PGM5: variants seen among roughly 807,000 people sequenced by gnomAD.
PGM5 encodes the protein phosphoglucomutase-like protein 5.
A neutral mutation model predicts 59.2 loss-of-function variants in PGM5; 23 were observed. The ratio of observed to expected loss-of-function variants is 0.39; its 90% CI spans 0.28 to 0.55. PGM5 has a LOEUF of 0.55. Ranked by LOEUF, PGM5 falls within the 20% of genes least tolerant of loss-of-function variation. PGM5 has a pLI of 0.66. For missense variants in PGM5, 574 were observed against 748.3 expected (o/e 0.77, Z 2.72); for synonymous variants, 214 against 286.0 (o/e 0.75, Z 2.54).
rs1236881630 is a variant in PGM5, at chr9:68,480,706, AAAAC to A, written c.1295+1157_1295+1160del. ...AGAGTGAGACTCCATCTCAAAAAAA[AAAAC>A]AAAACAAAACAAAACAAAAAAACAG... is the stretch of plus-strand genomic sequence containing the variant. On this transcript the variant is annotated intron_variant, in intron 8 of 10. Coordinates refer to ENST00000396396, the MANE Select transcript of PGM5 (RefSeq NM_021965.4). Among the ~76,000 whole-genome samples, 27 of 151,808 alleles carry A rather than the reference AAAAC, an allele frequency of 1.8e-4. 1 individual carries two copies. The highest frequency in any genetic ancestry group is 5.8e-4 in the African/African-American group (24 of 41,382).
At chr9:68,512,430 A>T (rs782239993) in intron 10 of PGM5, among the ~76,000 whole-genome samples, 6 of 152,242 alleles carry the variant, frequency 3.9e-5, no homozygotes, top group Non-Finnish European at 7.3e-5. Flanking sequence ...TTACAAAGCA[A>T]GAACTTGTTT....
intron 10 of PGM5, among the ~76,000 whole-genome samples, chr9:68,513,448 C>T (rs1020366649): frequency 2.0e-5 from 3 of 152,002 alleles, no homozygotes; most frequent in Admixed American, 6.6e-5. Context: ...AAGGGAAAAA[C>T]GTTAAGAAAT....
rs79260724 is a variant in PGM5 at position 68,506,594 on chromosome 9, T to C, written c.1614+7233T>C. ...CAATGAATAGGATTCAGAAACATTA[T>C]GAAAATAATAATGTTCTAAATACAT... On this transcript the variant is annotated intron_variant, in intron 10 of 10. Transcript: ENST00000396396. Among the ~76,000 whole-genome samples, 192 of 152,358 alleles carry C rather than the reference T, an allele frequency of 1.3e-3. 3 individuals are homozygous for C. In the East Asian group the frequency reaches 0.035, roughly 28 times the overall value.
At chr9:68,440,750 T>G (rs1823512885) in intron 6 of PGM5, among the ~76,000 whole-genome samples, 1 of 152,012 alleles carries the variant, frequency 6.6e-6, no homozygotes, top group African/African-American at 2.4e-5. Context: ...AAACTATGCT[T>G]CTACTTTAAT....
intron 6 of PGM5, chr9:68,428,687 T>C (rs1554682841): frequency 6.6e-6 from 1 of 152,234 alleles, no homozygotes; most frequent in East Asian, 1.9e-4. Flanking sequence ...CACTCTGCTC[T>C]GTGCTTCTCA....
intron 4 of PGM5, among the ~76,000 whole-genome samples, chr9:68,388,818 T>C (rs1309568161): frequency 6.6e-6 from 1 of 150,922 alleles, no homozygotes. Flanking sequence ...TCTTTCCTTT[T>C]TCTTCTCTGG....
intron 10 of PGM5, among the ~76,000 whole-genome samples, chr9:68,499,835 C>T (rs1488601377): frequency 6.6e-6 from 1 of 152,100 alleles, no homozygotes; most frequent in Non-Finnish European, 1.5e-5. Flanking sequence ...ATATAGGTGG[C>T]CTTTTAAGTT....
At chr9:68,371,202 C>G (rs2984398) in intron 1 of PGM5, among the ~76,000 whole-genome samples, 6 of 152,270 alleles carry the variant, frequency 3.9e-5, no homozygotes, top group South Asian at 4.1e-4. Flanking sequence ...TCCAGCCAAA[C>G]CCAGACCCTA....
chr9:68,528,853 TTG>T lies in PGM5; in HGVS notation c.1615-711_1615-710del, dbSNP rs1342421860. ...CATATCCATGCACCACTGAAAATCATTGTGAGTGTTGCATGCTCCACACCTCG... is the reference window on the plus strand; with the variant it reads ...CATATCCATGCACCACTGAAAATCATTGAGTGTTGCATGCTCCACACCTCG... On this transcript the variant is annotated intron_variant, in intron 10 of 10. Transcript: ENST00000396396. Among the ~76,000 whole-genome samples the T allele has an allele frequency of 7.2e-5, 11 of 152,310 alleles. No homozygotes were observed. The East Asian group carries it at 2.1e-3, about 29-fold the overall frequency.
chr9:68,471,640 C>G (rs1824020530), intron 7 of PGM5, among the ~76,000 whole-genome samples: 1 of 150,868 alleles, frequency 6.6e-6, no homozygotes, highest in African/African-American at 2.4e-5. Flanking sequence ...AAAAGAGAGA[C>G]TCGGTGCAGT....
At chr9:68,524,921 C>T (rs373607846) in intron 10 of PGM5, among the ~76,000 whole-genome samples, 1 of 152,210 alleles carries the variant, frequency 6.6e-6, no homozygotes, top group South Asian at 2.1e-4. Context: ...GTGTCTTCAT[C>T]TGTGCCATGA....
chr9:68,444,308 T>A (rs1823576877), intron 6 of PGM5, among the ~76,000 whole-genome samples: 1 of 152,194 alleles, frequency 6.6e-6, no homozygotes, highest in South Asian at 2.1e-4. Flanking sequence ...TATTTGACCC[T>A]AACTTCTCTT....
chr9:68,529,542 A>G (rs1231391749), intron 10 of PGM5, 25 bp from the exon 11 acceptor site: 2 of 1,537,778 alleles, frequency 1.3e-6, no homozygotes, highest in East Asian at 2.3e-5. Context: ...TGAGTTGTTC[A>G]CAGACTTTCC....
chr9:68,455,734 G>T (rs114943694), intron 6 of PGM5, among the ~76,000 whole-genome samples: 1,691 of 152,278 alleles, frequency 0.011, 30 homozygotes, highest in African/African-American at 0.038. Flanking sequence ...CCAGGTGGTG[G>T]TGTGTCTCTT....
At chr9:68,362,740 A>T (rs1489210289) in intron 1 of PGM5, among the ~76,000 whole-genome samples, 16 of 151,980 alleles carry the variant, frequency 1.1e-4, no homozygotes, top group African/African-American at 3.9e-4. Context: ...CTGGGTGGGT[A>T]CACCTAAGGC....
At chr9:68,440,298 G>C (rs546148285) in intron 6 of PGM5, among the ~76,000 whole-genome samples, 1 of 152,226 alleles carries the variant, frequency 6.6e-6, no homozygotes, top group African/African-American at 2.4e-5. Context: ...CAAGTGCATG[G>C]AGCATTCACC....
intron 10 of PGM5, among the ~76,000 whole-genome samples, chr9:68,509,142 T>G (rs1465596583): frequency 2.0e-5 from 3 of 152,164 alleles, no homozygotes; most frequent in Non-Finnish European, 4.4e-5. Context: ...TACTCTTGGC[T>G]GAATTTAAGT....
intron 9 of PGM5, among the ~76,000 whole-genome samples, chr9:68,492,226 G>A (rs1489637471): frequency 6.6e-6 from 1 of 152,202 alleles, no homozygotes; most frequent in Non-Finnish European, 1.5e-5. Context: ...CCCAGAACTG[G>A]GGTGGATATT....
chr9:68,406,720 A>ATATATATG lies in PGM5; in HGVS notation c.1043+14252_1043+14253insATGTATAT, dbSNP rs1563996769. 1.6e-3 allele frequency among the ~76,000 whole-genome samples: 119 copies of ATATATATG among 76,568 alleles called. 30 individuals are homozygous for ATATATATG. Among genetic ancestry groups the ATATATATG allele is most frequent in the Non-Finnish European group, 2.3e-3 (91 of 39,534 alleles). 50.2% of individuals were successfully genotyped at this position (76,568 alleles called of 152,430 possible). On this transcript the variant is annotated intron_variant, in intron 6 of 10. Coordinates refer to ENST00000396396, the MANE Select transcript of PGM5 (RefSeq NM_021965.4). Reference sequence around the variant, plus strand: ...TATATATATATATATATATATATATATATATGTATATAGTGCTTACAGCAG... The same window carrying ATATATATG: ...TATATATATATATATATATATATATATATATATGTATATGTATATAGTGCTTACAGCAG...
Sources: allele counts gnomAD v4.1 joint callset (sites outside exome capture counted in the v4.1 genomes callset), GRCh38; gene constraint gnomAD v4.1.1; transcripts MANE v1.5; gene names NCBI Gene and HGNC (gene_info 2026-07-23, HGNC 2026-07-21).